ABHD18: variants seen among roughly 807,000 people sequenced by gnomAD.
ABHD18 encodes the protein abhydrolase domain containing 18.
ABHD18 carries 55 observed loss-of-function variants against 65.9 expected under a neutral mutation model. The ratio of observed to expected loss-of-function variants is 0.84; its 90% confidence interval spans 0.67 to 1.05. ABHD18 has a LOEUF of 1.05. Ranked by LOEUF, ABHD18 falls within the 50% of genes least tolerant of loss-of-function variation. The probability of loss-of-function intolerance (pLI) is 0.00; values close to 1 mark genes in which losing one functional copy is unlikely to be tolerated. For synonymous variants in ABHD18, 181 were observed against 180.2 expected (o/e 1.00, Z -0.04); for missense variants, 533 against 558.5 (o/e 0.95, Z 0.46).
At chr4:128,006,808 C>A (rs572347711) in intron 4 of ABHD18, among the ~76,000 whole-genome samples, 1 of 152,154 alleles carries the variant, frequency 6.6e-6, no homozygotes, top group East Asian at 1.9e-4. Context: ...AAAACGGACA[C>A]GTGTGGTGAC....
intron 10 of ABHD18, among the ~76,000 whole-genome samples, chr4:128,026,225 T>C (rs1187143493): frequency 1.3e-5 from 2 of 151,288 alleles, no homozygotes; most frequent in African/African-American, 4.9e-5. Context: ...GAGGCAGAGG[T>C]TGCAGTGAGC....
Position 128,028,610 on chromosome 4 carries a change from G to T in ABHD18, c.937G>T (p.Asp313Tyr), listed in dbSNP as rs781116601. The change falls in exon 11 of 13, where the codon GAC (aspartate) becomes TAC (tyrosine). Residue 313 changes from aspartate to tyrosine, a missense_variant. This residue lies in a region of ABHD18 where 220 missense variants were observed against 226.8 expected (regional missense o/e 0.97). Coordinates refer to ENST00000645843, the MANE Select transcript of ABHD18 (RefSeq NM_001358451.3). Reference sequence around the variant, plus strand: ...CCAAGTTGTATCCCAAAAACCTGCTGACTGCCATAATTCTAGCAAAACATC... The same window carrying T: ...CCAAGTTGTATCCCAAAAACCTGCTTACTGCCATAATTCTAGCAAAACATC... ...SNQVVSQKPA[D>Y]CHNSSKTSVS... 1 of 1,613,756 alleles carries T rather than the reference G, an allele frequency of 6.2e-7. No homozygotes were observed. The highest frequency in any genetic ancestry group is 1.3e-5 in the African/African-American group (1 of 74,918).
At chr4:128,002,573 C>G (rs972752094) in intron 4 of ABHD18, among the ~76,000 whole-genome samples, 28 of 150,364 alleles carry the variant, frequency 1.9e-4, no homozygotes, top group Non-Finnish European at 4.0e-4. Context: ...AGGCACCACA[C>G]CCTACCAAGA....
At chr4:127,970,417 A>C (rs1003647486) in intron 1 of ABHD18, among the ~76,000 whole-genome samples, 1 of 150,972 alleles carries the variant, frequency 6.6e-6, no homozygotes, top group Non-Finnish European at 1.5e-5. Flanking sequence ...ACATGGAGAA[A>C]CCCCGTCTCT....
At chr4:128,005,050 G>A (rs553259236) in intron 4 of ABHD18, among the ~76,000 whole-genome samples, 2 of 152,126 alleles carry the variant, frequency 1.3e-5, no homozygotes, top group Admixed American at 6.5e-5. Context: ...CCAACATGGC[G>A]AAACCTGTCG....
chr4:127,989,695 A>C (rs778324947), intron 3 of ABHD18, 26 bp from the exon 4 acceptor site: 8 of 1,459,084 alleles, frequency 5.5e-6, no homozygotes, highest in Non-Finnish European at 7.4e-6. Context: ...TTTCTTGCAT[A>C]CATCTTGGTT....
At chr4:128,029,534 AGC>A (rs1421301969) in intron 11 of ABHD18, among the ~76,000 whole-genome samples, 1 of 152,042 alleles carries the variant, frequency 6.6e-6, no homozygotes, top group Non-Finnish European at 1.5e-5. Context: ...TGTAAAAATT[AGC>A]TGGGTGGCCG....
At chr4:127,997,891 T>G (rs527984028) in intron 4 of ABHD18, among the ~76,000 whole-genome samples, 9 of 152,176 alleles carry the variant, frequency 5.9e-5, no homozygotes, top group African/African-American at 1.9e-4. Context: ...TTTTTTTGTT[T>G]GTTTGTTTTT....
At chr4:128,006,170 A>C (rs1283410754) in intron 4 of ABHD18, among the ~76,000 whole-genome samples, 2 of 152,236 alleles carry the variant, frequency 1.3e-5, no homozygotes, top group East Asian at 3.8e-4. Context: ...GAAATTAATT[A>C]GGTGGGTAGT....
chr4:128,011,680 C>T lies in ABHD18; in HGVS notation c.450C>T (p.Cys150=), dbSNP rs1370088675. 2 of 1,550,418 alleles carry T rather than the reference C, an allele frequency of 1.3e-6. No homozygotes were observed. The highest frequency in any genetic ancestry group is 1.9e-5 in the Admixed American group (1 of 51,432). The change falls in exon 7 of 13, where the codon TGC becomes TGT. Residue 150 remains cysteine (C), a synonymous_variant. Coordinates refer to ENST00000645843, the MANE Select transcript of ABHD18 (RefSeq NM_001358451.3). ...TTTGACCCACATTCTTAAATGGCTG[C>T]AGGAAACCCAAGGACCAAGTGTAAG... ...SLLLENPYYG[C]RKPKDQVRSS...
In ABHD18 at chr4:128,039,144, C is replaced by CGTGTATAT. The variant is rs1491380654; in HGVS notation, c.*3331_*3332insGTGTATAT. 6 of 99,762 alleles carry CGTGTATAT rather than the reference C, an allele frequency of 6.0e-5. No homozygotes were observed. The highest frequency in any genetic ancestry group is 3.3e-4 in the Admixed American group (3 of 8,994). 6.2% of individuals were successfully genotyped at this position (99,762 alleles called of 1,614,324 possible). ...TATGTATTATATATACACACATATG[C>CGTGTATAT]ATATATATATATATATATATATATA... On this transcript the variant is annotated 3_prime_UTR_variant, in exon 13 of 13. Transcript: ENST00000645843.
chr4:127,999,259 G>A (rs1752277036), intron 4 of ABHD18, among the ~76,000 whole-genome samples: 1 of 152,004 alleles, frequency 6.6e-6, no homozygotes, highest in Admixed American at 6.6e-5. Context: ...ACTCCAGCCT[G>A]GGCGACAGAG....
chr4:128,028,689 G>A lies in ABHD18; in HGVS notation c.1016G>A (p.Arg339His), dbSNP rs767049484. The A allele has an allele frequency of 2.7e-5, 44 of 1,613,836 alleles. No homozygotes were observed. Among genetic ancestry groups the A allele is most frequent in the African/African-American group, 1.5e-4 (11 of 75,038 alleles). Reference protein sequence around the residue: ...LLLQDTSKMKRFNQTLSTNKS... With the variant: ...LLLQDTSKMKHFNQTLSTNKS... ...TTGCAAGATACCTCTAAGATGAAGC[G>A]CTTCAATCAAACACTTTCAACCAAC... Residue 339 changes from arginine to histidine, a missense_variant, in exon 11 of 13, where the codon CGC becomes CAC. By Grantham distance (29) the Arg-to-His change is conservative. Coordinates refer to ENST00000645843, the MANE Select transcript of ABHD18 (RefSeq NM_001358451.3).
intron 11 of ABHD18, 51 bp downstream of exon 11, chr4:128,028,904 G>C: frequency 7.4e-7 from 1 of 1,358,376 alleles, no homozygotes; most frequent in Admixed American, 2.9e-5. Flanking sequence ...GTAAGTATTT[G>C]TGAAATATTT....
At chr4:128,005,189 A>G (rs921202943) in intron 4 of ABHD18, among the ~76,000 whole-genome samples, 2 of 152,216 alleles carry the variant, frequency 1.3e-5, no homozygotes, top group Non-Finnish European at 2.9e-5. Context: ...TGATCATACC[A>G]CTGCACTCCG....
intron 1 of ABHD18, among the ~76,000 whole-genome samples, chr4:127,973,828 A>G (rs1431826992): frequency 1.3e-5 from 2 of 150,784 alleles, no homozygotes. Context: ...AAAAAAAAAA[A>G]AAAAAAAAAA....
Position 127,984,338 on chromosome 4 carries a change from G to A in ABHD18, c.93-1G>A, listed in dbSNP as rs960422602. 1 of 1,544,514 alleles carries A rather than the reference G, an allele frequency of 6.5e-7. No homozygotes were observed. Among genetic ancestry groups the A allele is most frequent in the South Asian group, 1.2e-5 (1 of 83,728 alleles). ...CCTTTTTGTCTTCTTTCCCATAATAGACTCTTTGAATTCAGAAAGATGATT... is the reference window on the plus strand; with the variant it reads ...CCTTTTTGTCTTCTTTCCCATAATAAACTCTTTGAATTCAGAAAGATGATT... On this transcript the variant is annotated splice_acceptor_variant, in intron 2 of 12. Transcript: ENST00000645843. LOFTEE classifies it high-confidence loss of function.
chr4:128,018,852 A>G (rs1579401424), intron 8 of ABHD18, among the ~76,000 whole-genome samples: 2 of 151,896 alleles, frequency 1.3e-5, no homozygotes, highest in Non-Finnish European at 2.9e-5. Flanking sequence ...CGTCTCTACT[A>G]AAAATACAAA....
rs2149168132 is a variant in ABHD18 at position 128,021,212 on chromosome 4, A to T, written c.775A>T (p.Ile259Phe). 6.5e-7 allele frequency: 1 copy of T among 1,543,888 alleles called. No homozygotes were observed. Among genetic ancestry groups the T allele is most frequent in the East Asian group, 2.4e-5 (1 of 40,876 alleles). ...TACCCAGACAGTTTATGAAGAAGAAATTATTCACATGCTTGAATACTGTGG... is the reference window on the plus strand; with the variant it reads ...TACCCAGACAGTTTATGAAGAAGAATTTATTCACATGCTTGAATACTGTGG... ...YYTQTVYEEE[I>F]IHMLEYCGTD... Residue 259 changes from isoleucine to phenylalanine, a missense_variant, in exon 10 of 13, where the codon ATT becomes TTT. This residue lies in a region of ABHD18 where 309 missense variants were observed against 313.5 expected (regional missense o/e 0.99). Coordinates refer to ENST00000645843, the MANE Select transcript of ABHD18 (RefSeq NM_001358451.3).
Sources: gnomAD v4.1 joint callset for allele counts (sites outside exome capture counted in the v4.1 genomes callset) on GRCh38, gnomAD v4.1.1 for gene constraint, gnomAD v4.1.1 regional missense constraint, MANE v1.5 for transcripts, NCBI Gene and HGNC (gene_info 2026-07-23, HGNC 2026-07-21) for gene names.